PIK3R4: variants seen among roughly 807,000 people sequenced by gnomAD.
PIK3R4 encodes phosphoinositide 3-kinase regulatory subunit 4.
In PIK3R4, 46 loss-of-function variants were observed where a neutral mutation model predicts 136.5. The ratio of observed to expected loss-of-function variants is 0.34; its 90% confidence interval spans 0.27 to 0.43. The LOEUF is 0.43. Among genes scored for constraint, PIK3R4 ranks in the 20% least tolerant of loss-of-function variants. PIK3R4 has a pLI of 1.00. For synonymous variants in PIK3R4, 557 were observed against 566.7 expected (o/e 0.98, Z 0.24); for missense variants, 1,331 against 1,649.5 (o/e 0.81, Z 3.35).
chr3:130,708,250 T>C, intron 10 of PIK3R4, 41 bp downstream of exon 10: 1 of 1,492,604 alleles, frequency 6.7e-7, no homozygotes, highest in Non-Finnish European at 9.3e-7. Flanking sequence ...ATGAAATAAC[T>C]AACAACAACA....
At chr3:130,718,973 G>T (rs1327003702) in intron 7 of PIK3R4, among the ~76,000 whole-genome samples, 5 of 151,998 alleles carry the variant, frequency 3.3e-5, no homozygotes, top group Non-Finnish European at 5.9e-5. Context: ...AGAGAAATTG[G>T]GGAGAATTTA....
intron 3 of PIK3R4, among the ~76,000 whole-genome samples, chr3:130,735,493 A>C (rs998716016): frequency 2.0e-5 from 3 of 152,168 alleles, no homozygotes; most frequent in Admixed American, 1.3e-4. Flanking sequence ...ATTACATTCA[A>C]GTTGACATTT....
intron 13 of PIK3R4, among the ~76,000 whole-genome samples, chr3:130,699,533 C>G (rs866454842): frequency 6.6e-6 from 1 of 152,126 alleles, no homozygotes; most frequent in Non-Finnish European, 1.5e-5. Flanking sequence ...AAGTTAAGGA[C>G]GACATGGCTC....
chr3:130,732,187 A>G (rs913948619), intron 4 of PIK3R4, among the ~76,000 whole-genome samples: 7 of 152,242 alleles, frequency 4.6e-5, no homozygotes, highest in African/African-American at 1.7e-4. Flanking sequence ...CACCTGTCAT[A>G]TGAAGGTAAT....
chr3:130,688,322 A>G (rs189477645), intron 14 of PIK3R4, among the ~76,000 whole-genome samples: 6 of 152,376 alleles, frequency 3.9e-5, no homozygotes, highest in African/African-American at 1.4e-4. Flanking sequence ...ACAACCAACT[A>G]GAATACAACG....
At chr3:130,733,436 A>G (rs2066769180) in intron 4 of PIK3R4, 112 bp downstream of exon 4, 2 of 682,158 alleles carry the variant, frequency 2.9e-6, no homozygotes, top group Admixed American at 5.5e-5. Flanking sequence ...AAATAGTTCA[A>G]AGAGCAAAGT....
intron 14 of PIK3R4, among the ~76,000 whole-genome samples, chr3:130,686,900 T>A (rs1030588039): frequency 2.6e-5 from 4 of 152,184 alleles, no homozygotes; most frequent in African/African-American, 9.6e-5. Flanking sequence ...CAATTTGGGT[T>A]TGTTTGATGT....
At chr3:130,681,467 T>C (rs2108513742) in intron 17 of PIK3R4, 24 bp downstream of exon 17, 1 of 1,359,940 alleles carries the variant, frequency 7.4e-7, no homozygotes, top group South Asian at 1.2e-5. Context: ...ATATCATCCT[T>C]TACAGTAAAA....
In PIK3R4 at chr3:130,684,396, G is replaced by T; in HGVS notation, c.3476-15C>A. 6.2e-7 allele frequency: 1 copy of T among 1,606,462 alleles called. No homozygotes were observed. Among genetic ancestry groups the T allele is most frequent in the East Asian group, 2.2e-5 (1 of 44,760 alleles). On this transcript the variant is annotated splice_polypyrimidine_tract_variant and intron_variant, in intron 15 of 19. Coordinates refer to ENST00000356763, the MANE Select transcript of PIK3R4 (RefSeq NM_014602.3). ...ACTGCTTGTACCTTAAAGAAAAAAG[G>T]AAAAAAAGATTACCATCTAATGATC... is the stretch of plus-strand genomic sequence containing the variant.
At chr3:130,720,869 G>A (rs1464087883) in intron 7 of PIK3R4, among the ~76,000 whole-genome samples, 12 of 152,158 alleles carry the variant, frequency 7.9e-5, no homozygotes, top group South Asian at 6.2e-4. Context: ...GTGAAACTCC[G>A]TCTCTAAATA....
chr3:130,711,725 A>G (rs2066633617), intron 9 of PIK3R4, among the ~76,000 whole-genome samples: 1 of 152,240 alleles, frequency 6.6e-6, no homozygotes, highest in Admixed American at 6.5e-5. Context: ...GCTTAAAAGG[A>G]TGAAACTGAT....
intron 13 of PIK3R4, among the ~76,000 whole-genome samples, chr3:130,691,175 C>T (rs4682626): frequency 0.21 from 31,316 of 152,032 alleles, 3,491 homozygotes; most frequent in South Asian, 0.36. Flanking sequence ...TCTTCAACTC[C>T]TGGAATATCT....
In PIK3R4 at chr3:130,679,375, C is replaced by T. The variant is rs752537591; in HGVS notation, c.4017G>A (p.Gln1339=). The change falls in exon 20 of 20, where the codon CAG becomes CAA. Residue 1339 remains glutamine (Q), a synonymous_variant. Transcript: ENST00000356763. ...CAGTTACGATGAAGCCCTGTGTGGT[C>T]TGGAATGTGGCGACATCAGTGATGA... ...HDIITDVATF[Q]TTQGFIVTAS... is the part of the protein sequence containing the mutation. The T allele has an allele frequency of 1.9e-6, 3 of 1,613,518 alleles. No individual in the cohort carries two copies. The East Asian group carries it at 6.7e-5, about 36-fold the overall frequency.
intron 9 of PIK3R4, among the ~76,000 whole-genome samples, chr3:130,710,530 T>C (rs1170472849): frequency 1.3e-5 from 2 of 152,062 alleles, no homozygotes; most frequent in South Asian, 2.1e-4. Flanking sequence ...GGATGCCCAC[T>C]CACACCAACT....
chr3:130,703,719 G>A lies in PIK3R4; in HGVS notation c.3098+4C>T, dbSNP rs1321944676. Reference sequence around the variant, plus strand: ...GAACTGATTCATTCCTGAGCATATGGTACCTGGTAGTGGTGGTCTTCCCCT... The same window carrying A: ...GAACTGATTCATTCCTGAGCATATGATACCTGGTAGTGGTGGTCTTCCCCT... On this transcript the variant is annotated splice_donor_region_variant and intron_variant, in intron 13 of 19. Coordinates refer to ENST00000356763, the MANE Select transcript of PIK3R4 (RefSeq NM_014602.3). The A allele has an allele frequency of 6.2e-7, 1 of 1,600,306 alleles. No homozygotes were observed. The highest frequency in any genetic ancestry group is 8.6e-7 in the Non-Finnish European group (1 of 1,168,136).
In PIK3R4 at chr3:130,686,267, T is replaced by A. The variant is rs752991595; in HGVS notation, c.3419A>T (p.Lys1140Met). The A allele has an allele frequency of 1.2e-6, 2 of 1,613,648 alleles. No individual in the cohort carries two copies. Among genetic ancestry groups the A allele is most frequent in the East Asian group, 4.5e-5 (2 of 44,866 alleles). The change falls in exon 15 of 20, where the codon AAG becomes ATG. Residue 1140 changes from lysine to methionine, a missense_variant. By Grantham distance (95) the Lys-to-Met change is moderately conservative. Coordinates refer to ENST00000356763, the MANE Select transcript of PIK3R4 (RefSeq NM_014602.3). ...AGCAAAGGAAGTGATGAGGCCCGAC[T>A]TTAAATCATGCTTTAAAGTCCACGC... ...SNAWTLKHDL[K>M]SGLITSFAVD...
Position 130,708,384 on chromosome 3 carries a change from T to A in PIK3R4, c.2440A>T (p.Ser814Cys). The change falls in exon 10 of 20, where the codon AGT becomes TGT. Residue 814 changes from serine (S) to cysteine (C), a missense_variant. Around this residue, in one of 2 missense-constraint regions of PIK3R4, gnomAD observed 1,180 missense variants for 1,407.0 expected, o/e 0.84. Coordinates refer to ENST00000356763, the MANE Select transcript of PIK3R4 (RefSeq NM_014602.3). ...GCCAAGTCAATTACACCTTTCTGAC[T>A]ACTATCATGAAGATGGCTCTGGTCC... ...IVDQSHLHDS[S>C]QKGVIDLAAL... 6.2e-7 allele frequency: 1 copy of A among 1,613,782 alleles called. No homozygotes were observed. Among genetic ancestry groups the A allele is most frequent in the South Asian group, 1.1e-5 (1 of 91,076 alleles).
Position 130,730,444 on chromosome 3 carries a change from T to C in PIK3R4, c.1451-2A>G. ...TTTCTGCCAGCAGAGCTATGTTTTC[T>C]ATAAAATAAAAAGGAAGAAAATTTA... On this transcript the variant is annotated splice_acceptor_variant, in intron 4 of 19. Transcript: ENST00000356763. LOFTEE classifies it high-confidence loss of function. The C allele has an allele frequency of 6.4e-7, 1 of 1,558,756 alleles. No homozygotes were observed. The highest frequency in any genetic ancestry group is 8.6e-7 in the Non-Finnish European group (1 of 1,160,434).
intron 13 of PIK3R4, among the ~76,000 whole-genome samples, chr3:130,697,348 C>T (rs1204739031): frequency 6.6e-6 from 1 of 152,186 alleles, no homozygotes; most frequent in African/African-American, 2.4e-5. Context: ...CTTGGGATTA[C>T]AGGCATGAGC....
Sources: allele counts gnomAD v4.1 joint callset (sites outside exome capture counted in the v4.1 genomes callset), GRCh38; gene constraint gnomAD v4.1.1; regional missense constraint gnomAD v4.1.1; transcripts MANE v1.5; gene names NCBI Gene and HGNC (gene_info 2026-07-23, HGNC 2026-07-21).